Variants in PHACTR1 observed in about 807,000 individuals in gnomAD.
PHACTR1 encodes the protein RPEL repeat containing 1.
Under a neutral mutation model 69.2 loss-of-function variants are expected in PHACTR1, and 16 were observed. The observed-to-expected ratio is 0.23, with a 90% confidence interval of 0.16 to 0.35. The LOEUF (loss-of-function observed/expected upper bound fraction) is 0.35, where lower values mean the gene tolerates loss of function less well. PHACTR1 is among the 10% of genes least tolerant of loss of function. PHACTR1 has a pLI of 1.00. For synonymous variants in PHACTR1, 312 were observed against 284.5 expected (o/e 1.10, Z -0.97); for missense variants, 510 against 734.7 (o/e 0.69, Z 3.54).
chr6:13,068,075 G>A (rs892787171), intron 5 of PHACTR1, among the ~76,000 whole-genome samples: 10 of 152,166 alleles, frequency 6.6e-5, no homozygotes, highest in African/African-American at 2.4e-4. Context: ...CCATCACTTT[G>A]GGAGGCTGAG....
At chr6:12,797,040 T>TGTGA (rs563796658) in intron 4 of PHACTR1, among the ~76,000 whole-genome samples, 47,845 of 133,406 alleles carry the variant, frequency 0.36, 10,147 homozygotes, top group East Asian at 0.79. Flanking sequence ...TGTGTGTGTG[T>TGTGA]GAGAGAGAGA....
intron 7 of PHACTR1, among the ~76,000 whole-genome samples, chr6:13,190,115 C>G (rs1458460954): frequency 6.6e-6 from 1 of 150,600 alleles, no homozygotes; most frequent in African/African-American, 2.5e-5. Flanking sequence ...CCTCCACCTC[C>G]TGGGTTCAAG....
intron 10 of PHACTR1, among the ~76,000 whole-genome samples, chr6:13,239,803 G>A (rs907037312): frequency 3.9e-5 from 6 of 152,148 alleles, no homozygotes; most frequent in African/African-American, 1.2e-4. Context: ...TCTGAGCCTC[G>A]ACTCTGTGTG....
intron 4 of PHACTR1, among the ~76,000 whole-genome samples, chr6:12,871,754 A>G (rs1178080748): frequency 6.6e-6 from 1 of 152,114 alleles, no homozygotes; most frequent in African/African-American, 2.4e-5. Flanking sequence ...CCAATCTTTC[A>G]CCTAAACATT....
chr6:13,219,746 G>C (rs1768302955), intron 8 of PHACTR1, among the ~76,000 whole-genome samples: 1 of 152,170 alleles, frequency 6.6e-6, no homozygotes, highest in African/African-American at 2.4e-5. Flanking sequence ...GAGAGTAGCT[G>C]GATTGTGTGA....
chr6:12,973,401 CATT>C (rs1192942472), intron 4 of PHACTR1, among the ~76,000 whole-genome samples: 2 of 152,084 alleles, frequency 1.3e-5, no homozygotes, highest in Admixed American at 6.5e-5. Context: ...CCTTGGAAAG[CATT>C]ATTATTATTA....
intron 3 of PHACTR1, among the ~76,000 whole-genome samples, chr6:12,749,284 A>G (rs1244227182): frequency 6.6e-6 from 1 of 152,148 alleles, no homozygotes; most frequent in African/African-American, 2.4e-5. Flanking sequence ...AAGGGCTGGA[A>G]ACTGGGGCTG....
rs188254569 is a variant in PHACTR1 at position 12,791,831 on chromosome 6, A to T, written c.250+42041A>T. 1.3e-3 allele frequency among the ~76,000 whole-genome samples: 202 copies of T among 152,338 alleles called. 1 individual carries two copies. The highest frequency in any genetic ancestry group is 4.8e-3 in the African/African-American group (200 of 41,580). On this transcript the variant is annotated intron_variant, in intron 4 of 14. Transcript: ENST00000332995. ...CTTGTTCTAGGTGTAGCAATGAATA[A>T]GACAGAAAAAAATCCCCGCTTGCCT... is the stretch of plus-strand genomic sequence containing the variant.
intron 4 of PHACTR1, among the ~76,000 whole-genome samples, chr6:12,830,129 G>GGAAGAAAGAAAGAAAGAAAGAAAGAAAGA (rs1777347299): frequency 7.3e-6 from 1 of 136,564 alleles, no homozygotes; most frequent in African/African-American, 2.8e-5. Context: ...AAGAAAGAAA[G>GGAAGAAAGAAAGAAAGAAAGAAAGAAAGA]AAAGAAAGAA....
intron 5 of PHACTR1, among the ~76,000 whole-genome samples, chr6:13,134,173 C>T (rs1046370287): frequency 2.0e-5 from 3 of 151,050 alleles, no homozygotes; most frequent in African/African-American, 4.9e-5. Flanking sequence ...GGGCAGCCCC[C>T]GCCCGGCCAG....
intron 8 of PHACTR1, among the ~76,000 whole-genome samples, chr6:13,214,845 A>C (rs370561709): frequency 4.6e-5 from 7 of 152,200 alleles, no homozygotes; most frequent in African/African-American, 1.7e-4. Flanking sequence ...ATATCAATAG[A>C]TATTTTTAAT....
chr6:13,224,722 T>C (rs899410934), intron 8 of PHACTR1, among the ~76,000 whole-genome samples: 1 of 152,242 alleles, frequency 6.6e-6, no homozygotes, highest in Non-Finnish European at 1.5e-5. Context: ...GTACAGTTCA[T>C]GATGCGTTAA....
intron 5 of PHACTR1, among the ~76,000 whole-genome samples, chr6:13,080,529 G>T (rs1811209118): frequency 1.3e-5 from 2 of 152,140 alleles, no homozygotes; most frequent in South Asian, 4.1e-4. Flanking sequence ...ACCTTCTGAA[G>T]GTATAGATGG....
At chr6:12,888,568 A>C (rs1037928345) in intron 4 of PHACTR1, among the ~76,000 whole-genome samples, 3 of 152,126 alleles carry the variant, frequency 2.0e-5, no homozygotes, top group Admixed American at 1.3e-4. Context: ...GTTTTATTTA[A>C]CTCTTTTAAA....
At chr6:13,189,824 C>T (rs9473641) in intron 7 of PHACTR1, among the ~76,000 whole-genome samples, 17,328 of 151,936 alleles carry the variant, frequency 0.11, 2,785 homozygotes, top group African/African-American at 0.36. Context: ...CTTGGGCTGC[C>T]GCAACTAAAG....
At chr6:12,737,621 GTCTC>G (rs199751757) in intron 3 of PHACTR1, among the ~76,000 whole-genome samples, 1,533 of 149,652 alleles carry the variant, frequency 0.01, 29 homozygotes, top group African/African-American at 0.034. Context: ...AAGAGACAGG[GTCTC>G]TCTCTGTCAC....
intron 4 of PHACTR1, among the ~76,000 whole-genome samples, chr6:12,994,085 A>G (rs1797124275): frequency 6.6e-6 from 1 of 152,174 alleles, no homozygotes; most frequent in African/African-American, 2.4e-5. Flanking sequence ...ATGAAAAACA[A>G]CAGTAAAAAA....
intron 7 of PHACTR1, among the ~76,000 whole-genome samples, chr6:13,201,567 C>T (rs1176932408): frequency 6.6e-6 from 1 of 152,008 alleles, no homozygotes; most frequent in Non-Finnish European, 1.5e-5. Flanking sequence ...AGAGTGGGGA[C>T]AGATCAGAGG....
chr6:13,088,028 T>C (rs1408316071), intron 5 of PHACTR1, among the ~76,000 whole-genome samples: 1 of 152,066 alleles, frequency 6.6e-6, no homozygotes, highest in Non-Finnish European at 1.5e-5. Context: ...ACCTTCTCTT[T>C]GATGACAGGT....
Sources: gnomAD v4.1 joint callset for allele counts (sites outside exome capture counted in the v4.1 genomes callset) on GRCh38, gnomAD v4.1.1 for gene constraint, MANE v1.5 for transcripts, NCBI Gene and HGNC (gene_info 2026-07-23, HGNC 2026-07-21) for gene names.